Variants in PACRG observed in about 807,000 individuals in gnomAD.
PACRG encodes parkin coregulated, also known as parkin coregulated gene protein.
A neutral mutation model predicts 29.7 loss-of-function variants in PACRG; 29 were observed. That is an observed-to-expected ratio of 0.98 (90% CI 0.73 to 1.33). PACRG has a LOEUF of 1.33. Ranked by LOEUF, PACRG falls within the 40% of genes most tolerant of loss-of-function variation. The pLI is 0.00. For missense variants in PACRG, 279 were observed against 316.2 expected (o/e 0.88, Z 0.89); for synonymous variants, 116 against 118.7 (o/e 0.98, Z 0.15).
In PACRG at chr6:162,777,401, A is replaced by G. The variant is rs1783735577; in HGVS notation, c.157-36746A>G. Reference sequence around the variant, plus strand: ...TTGATAACATCCCTCAGACACTGCCATTTCCAACATTTTCATTCCGGATTT... The same window carrying G: ...TTGATAACATCCCTCAGACACTGCCGTTTCCAACATTTTCATTCCGGATTT... On this transcript the variant is annotated intron_variant, in intron 1 of 4. Transcript: ENST00000366888. The surrounding 1 kb of genome is among the most constrained non-coding windows in gnomAD (Gnocchi z 4.0). 6.6e-6 allele frequency among the ~76,000 whole-genome samples: 1 copy of G among 152,148 alleles called. No homozygotes were observed. The highest frequency in any genetic ancestry group is 1.5e-5 in the Non-Finnish European group (1 of 68,036).
At chr6:162,979,687 C>T (rs950966495) in intron 2 of PACRG, among the ~76,000 whole-genome samples, 91 of 152,206 alleles carry the variant, frequency 6.0e-4, no homozygotes, top group African/African-American at 2.1e-3. Flanking sequence ...CTCTTACACA[C>T]TTGAAATGTT....
chr6:163,191,693 C>T (rs964643098), intron 4 of PACRG: 8 of 456,266 alleles, frequency 1.8e-5, no homozygotes, highest in African/African-American at 1.4e-4. Flanking sequence ...TGTGCCTATG[C>T]TCTTCCTCCA....
intron 1 of PACRG, among the ~76,000 whole-genome samples, chr6:162,731,428 G>C (rs1053179007): frequency 1.3e-5 from 2 of 151,822 alleles, no homozygotes; most frequent in Non-Finnish European, 2.9e-5. Context: ...CTAAACAATA[G>C]AGCATAGCAA....
chr6:163,000,412 A>T (rs146760855), intron 2 of PACRG, among the ~76,000 whole-genome samples: 1 of 152,138 alleles, frequency 6.6e-6, no homozygotes, highest in Non-Finnish European at 1.5e-5. Flanking sequence ...GGGAACCCCC[A>T]TTGCACTCCC....
At chr6:162,975,625 T>G (rs1185613372) in intron 2 of PACRG, among the ~76,000 whole-genome samples, 1 of 152,238 alleles carries the variant, frequency 6.6e-6, no homozygotes, top group Non-Finnish European at 1.5e-5. Flanking sequence ...CATAATCATT[T>G]TTTCTCTTAG....
At chr6:162,890,795 G>C (rs185881000) in intron 2 of PACRG, among the ~76,000 whole-genome samples, 1 of 152,080 alleles carries the variant, frequency 6.6e-6, no homozygotes, top group Non-Finnish European at 1.5e-5. Flanking sequence ...GTTGAAAGCC[G>C]TCCAGCAGGC....
chr6:163,108,446 A>G (rs1160235063), intron 4 of PACRG, among the ~76,000 whole-genome samples: 1 of 139,180 alleles, frequency 7.2e-6, no homozygotes, highest in Non-Finnish European at 1.5e-5. Context: ...CCAGGCTGGA[A>G]CGCAGTGGTG....
In PACRG at chr6:163,046,243, C is replaced by T. The variant is rs985957535; in HGVS notation, c.292-15907C>T. ...CTCATCTCACAGGGCTCATCAAAGT[C>T]CCCCCATCCCAATGAAACATTTTCC... On this transcript the variant is annotated intron_variant, in intron 2 of 4. Coordinates refer to ENST00000366888, the MANE Select transcript of PACRG (RefSeq NM_001080379.2). 2.6e-5 allele frequency among the ~76,000 whole-genome samples: 4 copies of T among 151,264 alleles called. No individual in the cohort carries two copies. In the East Asian group the frequency reaches 5.9e-4, roughly 22 times the overall value.
At chr6:163,124,881 A>C (rs1816452356) in intron 4 of PACRG, among the ~76,000 whole-genome samples, 1 of 152,248 alleles carries the variant, frequency 6.6e-6, no homozygotes, top group Non-Finnish European at 1.5e-5. Flanking sequence ...TATAGGCATC[A>C]TGTAAACTTT....
upstream of PACRG, chr6:162,727,670 G>A (rs1281249287): frequency 1.3e-6 from 2 of 1,582,730 alleles, no homozygotes; most frequent in African/African-American, 1.3e-5. Context: ...ACCTATCATG[G>A]TCACTGGGTA....
chr6:162,747,843 A>AT (rs1267452186), intron 1 of PACRG, among the ~76,000 whole-genome samples: 4 of 152,046 alleles, frequency 2.6e-5, no homozygotes, highest in Non-Finnish European at 4.4e-5. Flanking sequence ...AAATGTAGAG[A>AT]TTCATCTTAA....
chr6:162,897,912 G>T (rs1427940616), intron 2 of PACRG, among the ~76,000 whole-genome samples: 2 of 152,152 alleles, frequency 1.3e-5, no homozygotes, highest in African/African-American at 4.8e-5. Flanking sequence ...ATGCTGCAAT[G>T]GGGGAGTCCC....
intron 4 of PACRG, among the ~76,000 whole-genome samples, chr6:163,237,292 T>C (rs914664873): frequency 6.6e-6 from 1 of 152,186 alleles, no homozygotes; most frequent in African/African-American, 2.4e-5. Context: ...TAACTTTTGG[T>C]CACGTGATTG....
At chr6:162,913,982 C>CTAAAA (rs58435580) in intron 2 of PACRG, among the ~76,000 whole-genome samples, 60,706 of 151,532 alleles carry the variant, frequency 0.4, 13,914 homozygotes, top group African/African-American at 0.63. Flanking sequence ...CATGCTTTGT[C>CTAAAA]TATGTGTTTC....
intron 4 of PACRG, among the ~76,000 whole-genome samples, chr6:163,185,892 T>C (rs1276906258): frequency 6.6e-6 from 1 of 152,132 alleles, no homozygotes; most frequent in Non-Finnish European, 1.5e-5. Flanking sequence ...GCTGCTTCCC[T>C]GTGTCTCCTC....
At chr6:162,749,941 A>G (rs940356104) in intron 1 of PACRG, among the ~76,000 whole-genome samples, 1 of 152,202 alleles carries the variant, frequency 6.6e-6, no homozygotes, top group African/African-American at 2.4e-5. Context: ...GTTTCTATAG[A>G]AGCTTTATTG....
At chr6:162,969,296 G>A (rs964057031) in intron 2 of PACRG, among the ~76,000 whole-genome samples, 4 of 152,028 alleles carry the variant, frequency 2.6e-5, no homozygotes, top group Non-Finnish European at 4.4e-5. Context: ...TCATCCTCCC[G>A]TTTCAAGGGA....
At chr6:162,769,879 T>A (rs973085034) in intron 1 of PACRG, among the ~76,000 whole-genome samples, 2 of 152,136 alleles carry the variant, frequency 1.3e-5, no homozygotes, top group African/African-American at 4.8e-5. Flanking sequence ...GATATCATTA[T>A]GACTGATTCT....
intron 2 of PACRG, among the ~76,000 whole-genome samples, chr6:162,917,569 A>G (rs1367202956): frequency 6.6e-6 from 1 of 152,218 alleles, no homozygotes; most frequent in Non-Finnish European, 1.5e-5. Flanking sequence ...TCAGGTAGCC[A>G]GATATAATTT....
Sources: gnomAD v4.1 joint callset for allele counts (sites outside exome capture counted in the v4.1 genomes callset) on GRCh38, gnomAD v4.1.1 for gene constraint, Gnocchi (gnomAD v3.1) non-coding constraint, MANE v1.5 for transcripts, NCBI Gene and HGNC (gene_info 2026-07-23, HGNC 2026-07-21) for gene names.